The following SUPT3H variants were observed in gnomAD, a reference collection of about 807,000 sequenced individuals.
SUPT3H encodes SPT3 homolog, SAGA and STAGA complex component.
A neutral mutation model predicts 44.3 loss-of-function variants in SUPT3H; 44 were observed. The ratio of observed to expected loss-of-function variants is 0.99; its 90% confidence interval spans 0.78 to 1.28. SUPT3H has a LOEUF of 1.28. Among genes scored for constraint, SUPT3H ranks in the 50% most tolerant of loss-of-function variants. The pLI, the probability that SUPT3H is intolerant of heterozygous loss-of-function variation, is 0.00. For missense variants in SUPT3H, 380 were observed against 387.1 expected (o/e 0.98, Z 0.15); for synonymous variants, 124 against 125.6 (o/e 0.99, Z 0.09).
At chr6:44,985,565 T>C (rs1238363275) in intron 6 of SUPT3H, among the ~76,000 whole-genome samples, 1 of 152,210 alleles carries the variant, frequency 6.6e-6, no homozygotes, top group East Asian at 1.9e-4. Flanking sequence ...TTAACCCATA[T>C]GCACCTGGAC....
chr6:45,128,607 CATACACACACATATAT>C (rs1232874923), intron 2 of SUPT3H, among the ~76,000 whole-genome samples: 2 of 137,786 alleles, frequency 1.5e-5, no homozygotes, highest in Non-Finnish European at 3.1e-5. Context: ...TATATACACA[CATACACACACATATAT>C]ATACACACAC....
intron 3 of SUPT3H, among the ~76,000 whole-genome samples, chr6:45,090,775 G>A (rs1034950792): frequency 4.0e-5 from 6 of 151,844 alleles, no homozygotes; most frequent in African/African-American, 1.4e-4. Flanking sequence ...CTTTTATGAT[G>A]GGAGTAAAAG....
intron 10 of SUPT3H, among the ~76,000 whole-genome samples, chr6:44,850,742 A>ACATC (rs1300241645): frequency 1.7e-3 from 244 of 144,708 alleles, no homozygotes; most frequent in African/African-American, 5.9e-3. Flanking sequence ...TTGGTTTTAT[A>ACATC]TACATCTATC....
intron 5 of SUPT3H, among the ~76,000 whole-genome samples, chr6:45,009,779 T>A (rs1346348953): frequency 1.2e-4 from 19 of 152,194 alleles, no homozygotes; most frequent in Non-Finnish European, 1.5e-5. Context: ...AAGATTGTTC[T>A]AGGTATTCTA....
chr6:45,098,371 T>G (rs893115528), intron 3 of SUPT3H: 1 of 156,188 alleles, frequency 6.4e-6, no homozygotes, highest in African/African-American at 2.4e-5. Context: ...GAGTACTGCA[T>G]GTAGAATATG....
intron 10 of SUPT3H, among the ~76,000 whole-genome samples, chr6:44,925,647 C>T (rs533593479): frequency 6.6e-6 from 1 of 152,246 alleles, no homozygotes; most frequent in African/African-American, 2.4e-5. Context: ...ATGGGTACCA[C>T]CCACTGCTTG....
chr6:44,882,010 AG>A (rs1778311401), intron 10 of SUPT3H, among the ~76,000 whole-genome samples: 1 of 152,192 alleles, frequency 6.6e-6, no homozygotes, highest in Admixed American at 6.5e-5. Flanking sequence ...TTCAAAAGCT[AG>A]CAGAAGCCAA....
chr6:45,357,893 G>GTA (rs200586327), intron 2 of SUPT3H, among the ~76,000 whole-genome samples: 71 of 151,136 alleles, frequency 4.7e-4, no homozygotes, highest in African/African-American at 1.3e-3. Flanking sequence ...AAGACTAAGA[G>GTA]TATATATATA....
At chr6:45,097,763 G>C (rs1797994861) in intron 3 of SUPT3H, 1 of 152,180 alleles carries the variant, frequency 6.6e-6, no homozygotes. Context: ...TGTGCAAAAA[G>C]ACATACAGGT....
chr6:44,968,149 CAG>C (rs1180362513), intron 6 of SUPT3H, among the ~76,000 whole-genome samples: 2 of 152,054 alleles, frequency 1.3e-5, no homozygotes, highest in Non-Finnish European at 2.9e-5. Context: ...AATTGAAATG[CAG>C]AGTCCTTTTT....
chr6:45,214,225 C>T lies in SUPT3H; in HGVS notation c.102-108219G>A, dbSNP rs530125923. Among the ~76,000 whole-genome samples the T allele has an allele frequency of 1.7e-4, 26 of 151,908 alleles. No homozygotes were observed. The Middle Eastern group carries it at 0.01, about 60-fold the overall frequency. ...TGAAAAAAATTTAAATAAGTGACCA[C>T]ACACATTCTCAATCCATGCTGAGAA... On this transcript the variant is annotated intron_variant, in intron 2 of 10. Transcript: ENST00000371459.
chr6:45,175,012 TAAAAAAAAAAAA>T (rs57838175), intron 2 of SUPT3H, among the ~76,000 whole-genome samples: 1 of 62,540 alleles, frequency 1.6e-5, no homozygotes, highest in South Asian at 6.8e-4. Flanking sequence ...CCCTCGTCAC[TAAAAAAAAAAAA>T]AAAAAAAAAA....
At chr6:45,188,985 T>G (rs1814706444) in intron 2 of SUPT3H, among the ~76,000 whole-genome samples, 1 of 152,188 alleles carries the variant, frequency 6.6e-6, no homozygotes, top group Admixed American at 6.5e-5. Flanking sequence ...TTTGTTTTTT[T>G]GCTAGAGATG....
chr6:45,102,794 T>A (rs1381639155), intron 3 of SUPT3H, among the ~76,000 whole-genome samples: 6 of 151,792 alleles, frequency 4.0e-5, no homozygotes, highest in Non-Finnish European at 8.8e-5. Flanking sequence ...TACAAAAAAT[T>A]AGCTGGGCGT....
At chr6:44,949,157 G>T (rs900579215) in intron 9 of SUPT3H, among the ~76,000 whole-genome samples, 2 of 152,012 alleles carry the variant, frequency 1.3e-5, no homozygotes, top group African/African-American at 4.8e-5. Context: ...ACCAAACACC[G>T]CATGTTCTCA....
intron 10 of SUPT3H, among the ~76,000 whole-genome samples, chr6:44,889,931 C>T (rs1195935134): frequency 6.6e-6 from 1 of 151,410 alleles, no homozygotes; most frequent in Admixed American, 6.6e-5. Flanking sequence ...AAACAAACAA[C>T]CCCATCAAAA....
At chr6:45,158,298 ATTTTT>A (rs56882164) in intron 2 of SUPT3H, among the ~76,000 whole-genome samples, 17,673 of 99,492 alleles carry the variant, frequency 0.18, 2,198 homozygotes, top group Non-Finnish European at 0.23. Context: ...ATATATATAT[ATTTTT>A]TTTTTTTTTT....
chr6:45,164,756 T>A (rs1342599386), intron 2 of SUPT3H, among the ~76,000 whole-genome samples: 2 of 152,154 alleles, frequency 1.3e-5, no homozygotes, highest in Non-Finnish European at 2.9e-5. Context: ...TATTTTGTCA[T>A]AAAAATTCAT....
At chr6:45,090,686 T>C (rs1797023305) in intron 3 of SUPT3H, among the ~76,000 whole-genome samples, 1 of 151,932 alleles carries the variant, frequency 6.6e-6, no homozygotes, top group African/African-American at 2.4e-5. Flanking sequence ...ATCAAATGCT[T>C]GCATATTTAG....
Sources: gnomAD v4.1 joint callset for allele counts (sites outside exome capture counted in the v4.1 genomes callset) on GRCh38, gnomAD v4.1.1 for gene constraint, MANE v1.5 for transcripts, NCBI Gene and HGNC (gene_info 2026-07-23, HGNC 2026-07-21) for gene names.